Variants in ZNF827 observed in about 807,000 individuals in gnomAD.
ZNF827 encodes zinc finger protein 827.
Under a neutral mutation model 102.4 loss-of-function variants are expected in ZNF827, and 13 were observed. That is an observed-to-expected ratio of 0.13 (90% CI 0.08 to 0.20). The LOEUF is 0.20. ZNF827 is among the 10% of genes least tolerant of loss of function. The pLI, the probability that ZNF827 is intolerant of heterozygous loss-of-function variation, is 1.00. For synonymous variants in ZNF827, 523 were observed against 536.2 expected, an observed-to-expected ratio of 0.98 and a Z score of 0.34; for missense variants, 1,103 against 1,344.4, an observed-to-expected ratio of 0.82 and a Z score of 2.81.
rs1449755624 is a variant in ZNF827, at chr4:145,765,151, A to G, written c.3067T>C (p.Phe1023Leu). The G allele has an allele frequency of 1.2e-6, 2 of 1,611,170 alleles. No homozygotes were observed. The highest frequency in any genetic ancestry group is 1.7e-6 in the Non-Finnish European group (2 of 1,178,558). Residue 1023 changes from phenylalanine (F) to leucine (L), a missense_variant, in exon 13 of 15, where the codon TTT (phenylalanine) becomes CTT (leucine). This residue lies in a region of ZNF827 where 242 missense variants were observed against 361.9 expected (regional missense o/e 0.67). Coordinates refer to ENST00000508784, the MANE Select transcript of ZNF827 (RefSeq NM_001306215.2). This position sits in a 1 kb window ranked among gnomAD's most constrained non-coding sequence, Gnocchi z 4.7. ...EKPEKGFECV[F>L]CNFVCKTKNM... ...TTCGTCTTGCAGACAAAGTTGCAAA[A>G]AACACATTCGAACCCTGCAAGGACC...
At chr4:145,928,777 G>A (rs1753606466) in intron 1 of ZNF827, among the ~76,000 whole-genome samples, 1 of 152,180 alleles carries the variant, frequency 6.6e-6, no homozygotes, top group African/African-American at 2.4e-5. Flanking sequence ...AGAATGCTGG[G>A]GAATGCAGAA....
At chr4:145,789,930 A>G (rs1255857304) in intron 8 of ZNF827, among the ~76,000 whole-genome samples, 5 of 151,894 alleles carry the variant, frequency 3.3e-5, no homozygotes, top group Admixed American at 3.3e-4. Context: ...CTGTTACCCA[A>G]CTCCTCTTTG....
chr4:145,922,080 G>A (rs903794588), intron 1 of ZNF827, among the ~76,000 whole-genome samples: 5 of 152,202 alleles, frequency 3.3e-5, no homozygotes, highest in African/African-American at 9.7e-5. Context: ...TGTGAGAACC[G>A]TTGTGAGTTT....
intron 1 of ZNF827, among the ~76,000 whole-genome samples, chr4:145,918,969 T>C (rs189838302): frequency 4.1e-4 from 63 of 152,292 alleles, no homozygotes; most frequent in Non-Finnish European, 6.2e-4. Flanking sequence ...TAAAATCCTA[T>C]ATTGAGCCAG....
chr4:145,775,662 C>T, intron 10 of ZNF827, 127 bp downstream of exon 10: 4 of 1,185,770 alleles, frequency 3.4e-6, no homozygotes, highest in Non-Finnish European at 4.8e-6. Context: ...AAAGAAATTA[C>T]TCAAATGAAG....
At chr4:145,878,625 G>A (rs749805676) in intron 4 of ZNF827, among the ~76,000 whole-genome samples, 1 of 143,658 alleles carries the variant, frequency 7.0e-6, no homozygotes, top group Non-Finnish European at 1.5e-5. Context: ...GAAAGGAAAG[G>A]AAAGGAAAGG....
chr4:145,764,518 T>C (rs1325317854), intron 13 of ZNF827, among the ~76,000 whole-genome samples: 3 of 152,134 alleles, frequency 2.0e-5, no homozygotes, highest in Admixed American at 1.3e-4. Flanking sequence ...GCATGAAAAA[T>C]GTTGCTTCCT....
In ZNF827 at chr4:145,763,859, C is replaced by T. The variant is rs756553565; in HGVS notation, c.3231-737G>A. On this transcript the variant is annotated intron_variant, in intron 13 of 14. Coordinates refer to ENST00000508784, the MANE Select transcript of ZNF827 (RefSeq NM_001306215.2). This position sits in a 1 kb window ranked among gnomAD's most constrained non-coding sequence, Gnocchi z 4.6. ...TCCCCAATCCCTTCTGCCCTCCCCT[C>T]CCCCTCCCCCAAGAGTGAAACGAAA... 1.4e-4 allele frequency among the ~76,000 whole-genome samples: 21 copies of T among 152,030 alleles called. No homozygotes were observed. The highest frequency in any genetic ancestry group is 2.5e-4 in the Non-Finnish European group (17 of 68,004).
At chr4:145,928,890 CTG>C (rs1753617317) in intron 1 of ZNF827, among the ~76,000 whole-genome samples, 1 of 152,132 alleles carries the variant, frequency 6.6e-6, no homozygotes, top group Non-Finnish European at 1.5e-5. Context: ...GTGGCAGGAA[CTG>C]TGGCAGACTG....
chr4:145,768,900 T>TAC (rs1735788208), intron 11 of ZNF827, among the ~76,000 whole-genome samples: 1 of 21,868 alleles, frequency 4.6e-5, no homozygotes, highest in Non-Finnish European at 1.0e-4. Context: ...AATATATATA[T>TAC]ATATATATAT....
At chr4:145,887,154 G>C (rs1463523383) in intron 3 of ZNF827, among the ~76,000 whole-genome samples, 1 of 151,270 alleles carries the variant, frequency 6.6e-6, no homozygotes, top group East Asian at 2.0e-4. Context: ...TTGGGGAGCT[G>C]TGTGATCTGA....
chr4:145,775,463 C>T (rs909006192), intron 10 of ZNF827, among the ~76,000 whole-genome samples: 1 of 151,540 alleles, frequency 6.6e-6, no homozygotes, highest in African/African-American at 2.4e-5. Flanking sequence ...GGAGCAGCAA[C>T]ACACTCAGTT....
At chr4:145,892,119 T>G in intron 3 of ZNF827, 124 bp downstream of exon 3, 1 of 875,326 alleles carries the variant, frequency 1.1e-6, no homozygotes, top group Non-Finnish European at 1.7e-6. Flanking sequence ...CGTGGAGTAC[T>G]GTCATCCGCA....
chr4:145,910,373 C>T (rs1397854150), intron 1 of ZNF827, among the ~76,000 whole-genome samples: 1 of 152,168 alleles, frequency 6.6e-6, no homozygotes, highest in East Asian at 1.9e-4. Context: ...CTCTACCTGC[C>T]CGTCTCAGCA....
intron 8 of ZNF827, among the ~76,000 whole-genome samples, chr4:145,789,695 C>A (rs1739403651): frequency 6.6e-6 from 1 of 152,166 alleles, no homozygotes; most frequent in African/African-American, 2.4e-5. Flanking sequence ...TTACATTATA[C>A]TAGAAGACCA....
intron 5 of ZNF827, among the ~76,000 whole-genome samples, chr4:145,849,949 C>T (rs1047708951): frequency 3.9e-5 from 6 of 152,266 alleles, no homozygotes; most frequent in Admixed American, 2.6e-4. Flanking sequence ...TGCTTTAGAA[C>T]TTATTCAATT....
intron 8 of ZNF827, among the ~76,000 whole-genome samples, chr4:145,817,509 G>C (rs1448834051): frequency 2.6e-5 from 4 of 152,158 alleles, no homozygotes; most frequent in African/African-American, 9.7e-5. Context: ...AAGGGAAGCA[G>C]GCACATCTTA....
chr4:145,828,835 A>C (rs943177730), intron 7 of ZNF827, among the ~76,000 whole-genome samples: 3 of 152,204 alleles, frequency 2.0e-5, no homozygotes, highest in Non-Finnish European at 4.4e-5. Flanking sequence ...AATAAATAAT[A>C]AAAGTCCATA....
chr4:145,817,933 A>G (rs1374638709), intron 8 of ZNF827, among the ~76,000 whole-genome samples: 1 of 152,198 alleles, frequency 6.6e-6, no homozygotes, highest in Non-Finnish European at 1.5e-5. Context: ...ATGATCCATT[A>G]AAAACTACTG....
Sources: allele counts gnomAD v4.1 joint callset (sites outside exome capture counted in the v4.1 genomes callset), GRCh38; gene constraint gnomAD v4.1.1; regional missense constraint gnomAD v4.1.1; non-coding constraint Gnocchi (gnomAD v3.1); transcripts MANE v1.5; gene names NCBI Gene and HGNC (gene_info 2026-07-23, HGNC 2026-07-21).